Variants in MAP1S observed in about 807,000 individuals in gnomAD.
MAP1S encodes microtubule-associated protein 1S.
Under a neutral mutation model 60.9 loss-of-function variants are expected in MAP1S, and 27 were observed. The observed-to-expected ratio is 0.44, with a 90% CI of 0.33 to 0.61. The LOEUF is 0.61. MAP1S is among the 20% of genes least tolerant of loss of function. The probability of loss-of-function intolerance (pLI) is 0.03; values close to 1 mark genes in which losing one functional copy is unlikely to be tolerated. For synonymous variants in MAP1S, 826 were observed against 694.2 expected (o/e 1.19, Z -2.98); for missense variants, 1,608 against 1,486.6 (o/e 1.08, Z -1.34).
chr19:17,729,635 A>C (rs977435914), intron 5 of MAP1S, among the ~76,000 whole-genome samples: 3 of 151,742 alleles, frequency 2.0e-5, no homozygotes, highest in African/African-American at 7.3e-5. Flanking sequence ...CCTCCCGAAC[A>C]GGTGGGACCA....
chr19:17,726,210 T>G lies in MAP1S; in HGVS notation c.826T>G (p.Trp276Gly), dbSNP rs1456429725. ...TGGCTCAAACCCCAAGTCCAGTTTC[T>G]GGAAGCTGGTGCGGCACCTGGACCG... is the stretch of plus-strand genomic sequence containing the variant. ...NGGSNPKSSF[W>G]KLVRHLDRVD... The change falls in exon 5 of 7, where the codon TGG (tryptophan) becomes GGG (glycine). Residue 276 changes from tryptophan (W) to glycine (G), a missense_variant. By Grantham distance (184) the Trp-to-Gly change is radical. Coordinates refer to ENST00000324096, the MANE Select transcript of MAP1S (RefSeq NM_018174.6). The G allele has an allele frequency of 6.2e-7, 1 of 1,611,116 alleles. No individual in the cohort carries two copies. The highest frequency in any genetic ancestry group is 1.3e-5 in the African/African-American group (1 of 74,898).
At chr19:17,723,436 T>A (rs993842576) in intron 2 of MAP1S, among the ~76,000 whole-genome samples, 1 of 151,850 alleles carries the variant, frequency 6.6e-6, no homozygotes, top group Non-Finnish European at 1.5e-5. Context: ...TAATCCCAGC[T>A]ACTCGGGAGG....
rs1395371129 is a variant in MAP1S at position 17,725,980 on chromosome 19, C to T, written c.596C>T (p.Ala199Val). The T allele has an allele frequency of 6.2e-6, 10 of 1,612,200 alleles. No individual in the cohort carries two copies. The highest frequency in any genetic ancestry group is 1.3e-5 in the African/African-American group (1 of 74,992). ...CTCCAGCTGCGGCTGAACCCCCCGG[C>T]GCAGCTGCCCAACTCTGAGGGCCTG... is the stretch of plus-strand genomic sequence containing the variant. The part of the protein sequence containing the change: ...LRLQLRLNPP[A>V]QLPNSEGLCE... Residue 199 changes from alanine to valine, a missense_variant, in exon 5 of 7, where the codon GCG (alanine) becomes GTG (valine). Around this residue, in one of 4 missense-constraint regions of MAP1S, gnomAD observed 320 missense variants for 393.1 expected, o/e 0.81. Coordinates refer to ENST00000324096, the MANE Select transcript of MAP1S (RefSeq NM_018174.6). This position sits in a 1 kb window ranked among gnomAD's most constrained non-coding sequence, Gnocchi z 4.2.
At position 17,727,012 on chromosome 19, in the gene MAP1S, G is replaced by T. The variant is rs745369493; in HGVS notation, c.1628G>T (p.Arg543Leu). The T allele has an allele frequency of 2.5e-6, 4 of 1,588,080 alleles. No individual in the cohort carries two copies. Among genetic ancestry groups the T allele is most frequent in the East Asian group, 2.3e-5 (1 of 43,526 alleles). The change falls in exon 5 of 7, where the codon CGG becomes CTG. Residue 543 changes from arginine (R) to leucine (L), a missense_variant. This residue lies in a region of MAP1S where 1,167 missense variants were observed against 961.4 expected (regional missense o/e 1.21). Coordinates refer to ENST00000324096, the MANE Select transcript of MAP1S (RefSeq NM_018174.6). The surrounding 1 kb of genome is among the most constrained non-coding windows in gnomAD (Gnocchi z 4.1). Reference protein sequence around the residue: ...VSRTQPREVRRAASSVPNLKK... With the variant: ...VSRTQPREVRLAASSVPNLKK... ...CGGACCCAGCCGCGGGAGGTGCGCC[G>T]GGCAGCCTCTTCTGTGCCCAACCTC... is the stretch of plus-strand genomic sequence containing the variant.
intron 5 of MAP1S, among the ~76,000 whole-genome samples, chr19:17,729,360 G>T (rs2080472944): frequency 6.6e-6 from 1 of 152,188 alleles, no homozygotes; most frequent in African/African-American, 2.4e-5. Flanking sequence ...GAAATCAGGT[G>T]TGTGGTCCAG....
intron 5 of MAP1S, among the ~76,000 whole-genome samples, chr19:17,728,504 C>T (rs1025397935): frequency 6.6e-6 from 1 of 151,978 alleles, no homozygotes; most frequent in African/African-American, 2.4e-5. Context: ...CCACCTCAGC[C>T]TCCCAAAGTG....
At chr19:17,722,229 A>AT (rs1422036078) in intron 2 of MAP1S, among the ~76,000 whole-genome samples, 2 of 75,990 alleles carry the variant, frequency 2.6e-5, no homozygotes, top group Admixed American at 2.3e-4. Context: ...AAGTGGGAGG[A>AT]TTTTTTGAGG....
rs771528721 is a variant in MAP1S, at chr19:17,727,517, C to G, written c.2133C>G (p.Pro711=). 6.2e-6 allele frequency: 10 copies of G among 1,610,928 alleles called. No homozygotes were observed. The highest frequency in any genetic ancestry group is 8.5e-6 in the Non-Finnish European group (10 of 1,179,506). The change falls in exon 5 of 7, where the codon CCC becomes CCG. Residue 711 remains proline, a synonymous_variant. Transcript: ENST00000324096. This position sits in a 1 kb window ranked among gnomAD's most constrained non-coding sequence, Gnocchi z 4.1. ...SFEQVLPPSA[P]TSEAGLSLPL... is the part of the protein sequence containing the mutation. ...AGCAGGTGCTGCCGCCATCCGCCCC[C>G]ACCAGTGAGGCTGGGCTGAGCCTCC...
chr19:17,731,605 A>G (rs1300154388), intron 5 of MAP1S, among the ~76,000 whole-genome samples: 1 of 152,094 alleles, frequency 6.6e-6, no homozygotes. Flanking sequence ...TTCATTGTTC[A>G]TGTATAGAAA....
rs1046644555 is a variant in MAP1S at position 17,724,014 on chromosome 19, C to A, written c.221-112C>A. ...GGTCCTGACCTGCAGCTCTGCCGTG[C>A]GCCTGTTAATCTCCATATGATCCCT... On this transcript the variant is annotated intron_variant, in intron 2 of 6. Coordinates refer to ENST00000324096, the MANE Select transcript of MAP1S (RefSeq NM_018174.6). 5.5e-5 allele frequency: 41 copies of A among 740,904 alleles called. 1 individual carries two copies. Among genetic ancestry groups the A allele is most frequent in the Non-Finnish European group, 7.9e-5 (34 of 428,968 alleles). 45.9% of individuals were successfully genotyped at this position (740,904 alleles called of 1,614,324 possible).
chr19:17,730,812 T>A (rs1467242489), intron 5 of MAP1S, among the ~76,000 whole-genome samples: 2 of 152,172 alleles, frequency 1.3e-5, no homozygotes, highest in Non-Finnish European at 2.9e-5. Context: ...CCATTTTGTC[T>A]ATTTTTTTCT....
Position 17,733,192 on chromosome 19 carries a change from G to C in MAP1S, c.2789-1G>C. 6.5e-7 allele frequency: 1 copy of C among 1,532,674 alleles called. No individual in the cohort carries two copies. Among genetic ancestry groups the C allele is most frequent in the Admixed American group, 2.0e-5 (1 of 49,242 alleles). The allele number at this position is 1,532,674 out of a possible 1,614,324, so 94.9% of individuals were successfully genotyped here. A position where few individuals can be genotyped will look rare whatever the true frequency, so the allele number is the denominator to read the frequency against. On this transcript the variant is annotated splice_acceptor_variant, in intron 5 of 6. Transcript: ENST00000324096. LOFTEE classifies it high-confidence loss of function. ...CTGCCTCCCCATCCCCCCGCCCGCA[G>C]GGTCAGCCAGCAGCCGGCCCGGGGT...
intron 2 of MAP1S, among the ~76,000 whole-genome samples, chr19:17,722,092 G>T (rs1050229500): frequency 1.3e-5 from 2 of 152,176 alleles, no homozygotes; most frequent in Non-Finnish European, 2.9e-5. Flanking sequence ...TGTGAACTTC[G>T]TGGCCACTTC....
At position 17,734,496 on chromosome 19, in the gene MAP1S, A is replaced by G; in HGVS notation, c.*68A>G. The stretch of plus-strand genomic sequence containing the variant: ...CCCTAGATTCAGCCACATCAGAAAT[A>G]AACTGTGACTACACTTGGCTGTGGC... On this transcript the variant is annotated 3_prime_UTR_variant, in exon 7 of 7. Transcript: ENST00000324096. The G allele has an allele frequency of 6.5e-7, 1 of 1,543,488 alleles. No homozygotes were observed. Among genetic ancestry groups the G allele is most frequent in the East Asian group, 2.3e-5 (1 of 43,584 alleles).
chr19:17,720,267 A>G (rs1599450504), intron 1 of MAP1S: 2 of 1,412,632 alleles, frequency 1.4e-6, no homozygotes, highest in African/African-American at 1.5e-5. Context: ...CCCTCGGAGC[A>G]TCTGGACCTG....
At chr19:17,724,336 C>A (rs1017136651) in intron 3 of MAP1S, 128 bp downstream of exon 3, 4 of 737,066 alleles carry the variant, frequency 5.4e-6, no homozygotes, top group Non-Finnish European at 2.3e-6. Context: ...CACACTTCTT[C>A]GCCCACGAAG....
chr19:17,720,279 CGTTTCATTGCAT>C, intron 1 of MAP1S: 1 of 1,419,492 alleles, frequency 7.0e-7, no homozygotes, highest in South Asian at 1.5e-5. Flanking sequence ...CTGGACCTGG[CGTTTCATTGCAT>C]GTAAAATGGG....
intron 1 of MAP1S, chr19:17,720,253 C>G (rs1250787149): frequency 7.2e-7 from 1 of 1,396,852 alleles, no homozygotes; most frequent in Non-Finnish European, 9.3e-7. Context: ...TGTTCATCCC[C>G]CATCCCTCGG....
At chr19:17,733,538 G>T (rs1402039485) in intron 6 of MAP1S, 110 bp downstream of exon 6, 1 of 846,640 alleles carries the variant, frequency 1.2e-6, no homozygotes, top group Non-Finnish European at 1.8e-6. Flanking sequence ...ACGGGAATGG[G>T]GGCGAATGTG....
Sources: allele counts gnomAD v4.1 joint callset (sites outside exome capture counted in the v4.1 genomes callset), GRCh38; gene constraint gnomAD v4.1.1; regional missense constraint gnomAD v4.1.1; non-coding constraint Gnocchi (gnomAD v3.1); transcripts MANE v1.5; gene names NCBI Gene and HGNC (gene_info 2026-07-23, HGNC 2026-07-21).